Variants in FAT3 observed in about 807,000 individuals in gnomAD.
FAT3 encodes the protein protocadherin Fat 3.
A neutral mutation model predicts 310.2 loss-of-function variants in FAT3; 95 were observed. The ratio of observed to expected loss-of-function variants is 0.31; its 90% confidence interval spans 0.26 to 0.36. The LOEUF (loss-of-function observed/expected upper bound fraction) is 0.36. Among genes scored for constraint, FAT3 ranks in the 10% least tolerant of loss-of-function variants. The pLI is 1.00. For missense variants in FAT3, 5,408 were observed against 5,715.6 expected (o/e 0.95, Z 1.74); for synonymous variants, 2,314 against 2,192.9 (o/e 1.06, Z -1.54).
At chr11:92,709,974 C>G (rs956279513) in intron 4 of FAT3, among the ~76,000 whole-genome samples, 4 of 152,112 alleles carry the variant, frequency 2.6e-5, no homozygotes, top group Admixed American at 2.6e-4. Flanking sequence ...TCCTGGCATG[C>G]CACTCTAGAG....
At chr11:92,843,348 C>T (rs1367737082) in intron 18 of FAT3, among the ~76,000 whole-genome samples, 1 of 152,208 alleles carries the variant, frequency 6.6e-6, no homozygotes, top group Admixed American at 6.5e-5. Flanking sequence ...TCAGTAAAGA[C>T]CTGTTGCCAG....
intron 4 of FAT3, among the ~76,000 whole-genome samples, chr11:92,728,172 A>G (rs1945056393): frequency 6.6e-6 from 1 of 152,178 alleles, no homozygotes; most frequent in Non-Finnish European, 1.5e-5. Context: ...TACCTTAACT[A>G]ATACCAGAAA....
At chr11:92,412,737 ATATAT>A (rs1441537643) in intron 2 of FAT3, among the ~76,000 whole-genome samples, 1 of 17,118 alleles carries the variant, frequency 5.8e-5, no homozygotes, top group African/African-American at 1.7e-4. Context: ...ATATATATAT[ATATAT>A]ATAAATATAC....
intron 2 of FAT3, chr11:92,366,643 G>T: frequency 1.9e-6 from 1 of 534,356 alleles, no homozygotes; most frequent in Non-Finnish European, 3.8e-6. Flanking sequence ...CTCCATGATA[G>T]CCTCTTCAGA....
chr11:92,445,685 A>G (rs562690174), intron 2 of FAT3, among the ~76,000 whole-genome samples: 1 of 152,268 alleles, frequency 6.6e-6, no homozygotes, highest in East Asian at 1.9e-4. Context: ...GTGTGTATGC[A>G]TTGTCTTCAA....
intron 2 of FAT3, among the ~76,000 whole-genome samples, chr11:92,431,497 C>T (rs1448474177): frequency 1.3e-5 from 2 of 152,172 alleles, no homozygotes; most frequent in African/African-American, 4.8e-5. Flanking sequence ...TTTTGCTGTG[C>T]AGAAGCTCTT....
chr11:92,689,876 C>T (rs1943747152), intron 3 of FAT3, among the ~76,000 whole-genome samples: 1 of 152,176 alleles, frequency 6.6e-6, no homozygotes, highest in South Asian at 2.1e-4. Context: ...TTGTTGGCCC[C>T]ACCTTACCCT....
chr11:92,352,713 G>T lies in FAT3; in HGVS notation c.601G>T (p.Val201Phe). 3.7e-6 allele frequency: 6 copies of T among 1,613,770 alleles called. No individual in the cohort carries two copies. Among genetic ancestry groups the T allele is most frequent in the Non-Finnish European group, 5.1e-6 (6 of 1,179,858 alleles). The change falls in exon 2 of 28, where the codon GTT becomes TTT. Residue 201 changes from valine to phenylalanine, a missense_variant. Physicochemically the swap from Val to Phe is conservative, Grantham distance 50 (BLOSUM62 -1). Transcript: ENST00000525166. ...ATTCTACTACTACTTTAAAAATAAA[G>T]TTGATCTCTTTTCAGTTCACCCCAC... Reference protein sequence around the residue: ...GEFYYYFKNKVDLFSVHPTSG... With the variant: ...GEFYYYFKNKFDLFSVHPTSG...
chr11:92,362,513 A>G (rs1948907528), intron 2 of FAT3, among the ~76,000 whole-genome samples: 1 of 152,104 alleles, frequency 6.6e-6, no homozygotes, highest in Non-Finnish European at 1.5e-5. Flanking sequence ...CCAGGTCAGG[A>G]TATTCATCCC....
intron 2 of FAT3, among the ~76,000 whole-genome samples, chr11:92,470,028 C>A (rs673434): frequency 0.71 from 107,576 of 152,064 alleles, 40,423 homozygotes; most frequent in East Asian, 0.87. Flanking sequence ...TTAATATTTT[C>A]ATGTCACATA....
At chr11:92,544,241 G>A (rs1212262673) in intron 3 of FAT3, among the ~76,000 whole-genome samples, 1 of 152,138 alleles carries the variant, frequency 6.6e-6, no homozygotes, top group Non-Finnish European at 1.5e-5. Context: ...ATTGAAGAGA[G>A]ATTGATTAAT....
chr11:92,354,968 C>T lies in FAT3; in HGVS notation c.2856C>T (p.Gly952=). ...SVKVLEDLPV[G]TVIAWLETHD... Reference sequence around the variant, plus strand: ...AGGTTCTTGAAGATCTCCCTGTTGGCACTGTCATTGCTTGGCTTGAGACCC... The same window carrying T: ...AGGTTCTTGAAGATCTCCCTGTTGGTACTGTCATTGCTTGGCTTGAGACCC... Residue 952 remains glycine, a synonymous_variant, in exon 2 of 28, where the codon GGC becomes GGT. Transcript: ENST00000525166. 3 of 1,613,856 alleles carry T rather than the reference C, an allele frequency of 1.9e-6. No individual in the cohort carries two copies. Among genetic ancestry groups the T allele is most frequent in the Non-Finnish European group, 2.5e-6 (3 of 1,179,858 alleles).
At chr11:92,335,314 C>T (rs1484744018) in intron 1 of FAT3, among the ~76,000 whole-genome samples, 4 of 151,882 alleles carry the variant, frequency 2.6e-5, no homozygotes, top group Non-Finnish European at 5.9e-5. Flanking sequence ...TTGAAGGTTT[C>T]ACTCTTTGAC....
chr11:92,846,703 A>T (rs532702891), intron 19 of FAT3, among the ~76,000 whole-genome samples: 1 of 152,232 alleles, frequency 6.6e-6, no homozygotes, highest in East Asian at 1.9e-4. Flanking sequence ...AAACCTTTCT[A>T]CTCCCAGTAA....
At chr11:92,271,310 C>G (rs1378469949) in intron 1 of FAT3, among the ~76,000 whole-genome samples, 1 of 152,098 alleles carries the variant, frequency 6.6e-6, no homozygotes, top group Non-Finnish European at 1.5e-5. Flanking sequence ...CCCTCTGGAC[C>G]TTAACCCTCC....
intron 3 of FAT3, among the ~76,000 whole-genome samples, chr11:92,695,753 A>G (rs1435195434): frequency 6.6e-6 from 1 of 152,190 alleles, no homozygotes; most frequent in Admixed American, 6.5e-5. Context: ...AACTCTGTCA[A>G]TTTGTCTAGC....
intron 3 of FAT3, among the ~76,000 whole-genome samples, chr11:92,587,664 T>G (rs529911): frequency 0.21 from 32,582 of 151,844 alleles, 4,152 homozygotes; most frequent in African/African-American, 0.36. Flanking sequence ...TGTACCATGG[T>G]GTCTTGAGAA....
chr11:92,530,321 G>T (rs1954023794), intron 3 of FAT3, among the ~76,000 whole-genome samples: 1 of 152,044 alleles, frequency 6.6e-6, no homozygotes, highest in Non-Finnish European at 1.5e-5. Context: ...GCTCTCTCCT[G>T]AGAGCCTGAT....
chr11:92,844,340 C>T lies in FAT3; in HGVS notation c.10973C>T (p.Pro3658Leu). The part of the protein sequence containing the change: ...TVTIRFENVS[P>L]EDFVGLHMHG... ...ACCATCCGCTTTGAAAATGTGTCCC[C>T]TGAGGACTTCGTGGGGCTGCACATG... Residue 3658 changes from proline to leucine, a missense_variant, in exon 19 of 28, where the codon CCT becomes CTT. Physicochemically the swap from Pro to Leu is moderately conservative, Grantham distance 98 (BLOSUM62 -3). This residue lies in a region of FAT3 where 4,588 missense variants were observed against 4,809.8 expected (regional missense o/e 0.95). Coordinates refer to ENST00000525166, the MANE Select transcript of FAT3 (RefSeq NM_001367949.2). 2 of 1,613,954 alleles carry T rather than the reference C, an allele frequency of 1.2e-6. No homozygotes were observed. Among genetic ancestry groups the T allele is most frequent in the Non-Finnish European group, 1.7e-6 (2 of 1,179,908 alleles).
Sources: gnomAD v4.1 joint callset for allele counts (sites outside exome capture counted in the v4.1 genomes callset) on GRCh38, gnomAD v4.1.1 for gene constraint, gnomAD v4.1.1 regional missense constraint, MANE v1.5 for transcripts, NCBI Gene and HGNC (gene_info 2026-07-23, HGNC 2026-07-21) for gene names.